HSD17B14: variants seen among roughly 807,000 people sequenced by gnomAD.
The protein encoded by HSD17B14 is hydroxysteroid 17-beta dehydrogenase 14, also known as L-fucose dehydrogenase.
A neutral mutation model predicts 32.2 loss-of-function variants in HSD17B14; 32 were observed. The ratio of observed to expected loss-of-function variants is 0.99; its 90% confidence interval spans 0.75 to 1.33. The LOEUF is 1.33. HSD17B14 is among the 40% of genes most tolerant of loss of function. The pLI is 0.00. For synonymous variants in HSD17B14, 140 were observed against 155.4 expected (o/e 0.90, Z 0.74); for missense variants, 370 against 366.5 (o/e 1.01, Z -0.08).
At chr19:48,813,573 G>A (rs1456209171) in intron 7 of HSD17B14, 21 bp from the exon 8 acceptor site, 7 of 1,613,020 alleles carry the variant, frequency 4.3e-6, no homozygotes, top group African/African-American at 1.3e-5. Flanking sequence ...GGAGAGGGGG[G>A]ATCAAAGCAA....
chr19:48,818,572 C>G (rs1225098501), intron 5 of HSD17B14, among the ~76,000 whole-genome samples: 1 of 152,008 alleles, frequency 6.6e-6, no homozygotes, highest in Non-Finnish European at 1.5e-5. Context: ...CTCACCAGGG[C>G]TGAGACACGG....
Position 48,835,830 on chromosome 19 carries a change from G to A in HSD17B14, c.102C>T (p.Ala34=), listed in dbSNP as rs776200819. ...GIVRAFVNSG[A]RVVICDKDES... The stretch of plus-strand genomic sequence containing the variant: ...CATCCTTGTCGCAGATAACCACTCG[G>A]GCCCCGCTGTTCACTGAGAATAGGA... Residue 34 remains alanine (A), a synonymous_variant, in exon 2 of 9, where the codon GCC becomes GCT. Transcript: ENST00000263278. The A allele has an allele frequency of 6.2e-7, 1 of 1,613,638 alleles. No individual in the cohort carries two copies. Among genetic ancestry groups the A allele is most frequent in the South Asian group, 1.1e-5 (1 of 91,078 alleles).
chr19:48,825,908 C>T (rs976721941), intron 5 of HSD17B14, among the ~76,000 whole-genome samples: 9 of 151,860 alleles, frequency 5.9e-5, no homozygotes, highest in African/African-American at 1.5e-4. Flanking sequence ...GCAAGCTCCG[C>T]CTCCTGGGTT....
intron 5 of HSD17B14, among the ~76,000 whole-genome samples, chr19:48,820,330 C>T (rs972270020): frequency 2.6e-5 from 4 of 151,580 alleles, no homozygotes; most frequent in African/African-American, 7.3e-5. Flanking sequence ...ATTAGCCAGG[C>T]GTGGTGGCAC....
chr19:48,822,858 GTGGTGATGGTGAAAA>G (rs1309810393), intron 5 of HSD17B14, among the ~76,000 whole-genome samples: 3 of 151,894 alleles, frequency 2.0e-5, no homozygotes, highest in Non-Finnish European at 4.4e-5. Flanking sequence ...GATGGTGATG[GTGGTGATGGTGAAAA>G]TGGTGATGGT....
At chr19:48,815,537 T>C (rs1342396957) in intron 5 of HSD17B14, among the ~76,000 whole-genome samples, 2 of 152,048 alleles carry the variant, frequency 1.3e-5, no homozygotes, top group African/African-American at 4.8e-5. Context: ...TATTTTCCGG[T>C]GAAGTCTCTG....
In HSD17B14 at chr19:48,825,134, AG is replaced by A. The variant is rs765118597; in HGVS notation, c.369+6533del. Among the ~76,000 whole-genome samples the A allele has an allele frequency of 5.4e-5, 8 of 147,232 alleles. No individual in the cohort carries two copies. In the South Asian group the frequency reaches 1.8e-3, roughly 33 times the overall value. On this transcript the variant is annotated intron_variant, in intron 5 of 8. Transcript: ENST00000263278. ...GTGCCTGTAGTCCCAGCTATTTGGG[AG>A]GGTGAGGCAGGAGAATCACTTGAAC...
At chr19:48,815,249 C>A (rs2035032483) in intron 5 of HSD17B14, 108 bp from the exon 6 acceptor site, 9 of 792,730 alleles carry the variant, frequency 1.1e-5, no homozygotes, top group Middle Eastern at 2.2e-4. Context: ...ACCTCCCTGG[C>A]ATGTTTCTAG....
Position 48,813,246 on chromosome 19 carries a change from C to A in HSD17B14, c.742G>T (p.Gly248Cys), listed in dbSNP as rs199594671. ...CTGIELLVTG[G>C]AELGYGCKAS... ...TTGCACCCGTACCCCAGCTCTGCAC[C>A]CCCCGTCACGAGCAGTTCAATGCCC... Residue 248 changes from glycine (G) to cysteine (C), a missense_variant, in exon 9 of 9, where the codon GGT becomes TGT. Gly to Cys is a radical substitution (Grantham distance 159). Transcript: ENST00000263278. 1.2e-6 allele frequency: 2 copies of A among 1,609,492 alleles called. No individual in the cohort carries two copies. The highest frequency in any genetic ancestry group is 2.7e-5 in the African/African-American group (2 of 74,972).
intron 5 of HSD17B14, among the ~76,000 whole-genome samples, chr19:48,827,810 T>A (rs978484744): frequency 2.0e-4 from 30 of 151,726 alleles, no homozygotes; most frequent in African/African-American, 7.3e-4. Context: ...AGTGCTGGGA[T>A]TACAGGTGTG....
Position 48,835,740 on chromosome 19 carries a change from G to A in HSD17B14, c.127+65C>T, listed in dbSNP as rs1048240163. ...CCGGGGTCTGAGGGAGGAGGTGCTAGGGGTCTGGACCTCTGGGTCTGAGGG... is the reference window on the plus strand; with the variant it reads ...CCGGGGTCTGAGGGAGGAGGTGCTAAGGGTCTGGACCTCTGGGTCTGAGGG... On this transcript the variant is annotated intron_variant, in intron 2 of 8. Transcript: ENST00000263278. 3.9e-4 allele frequency: 602 copies of A among 1,537,570 alleles called. 1 individual carries two copies. The highest frequency in any genetic ancestry group is 5.3e-4 in the Non-Finnish European group (585 of 1,111,940).
At chr19:48,815,479 G>T (rs1057436253) in intron 5 of HSD17B14, among the ~76,000 whole-genome samples, 5 of 152,068 alleles carry the variant, frequency 3.3e-5, no homozygotes, top group Non-Finnish European at 5.9e-5. Context: ...ACAGGAAAAT[G>T]GATGAGAGAT....
In HSD17B14 at chr19:48,816,022, GAAAAAA is replaced by G. The variant is rs71179053; in HGVS notation, c.370-887_370-882del. ...GGCAACAGAGCAAGACTCCGTTTCA[GAAAAAA>G]AAAAAAAAAAAAAAAGAAATGCACT... is the stretch of plus-strand genomic sequence containing the variant. On this transcript the variant is annotated intron_variant, in intron 5 of 8. Transcript: ENST00000263278. 8.1e-5 allele frequency among the ~76,000 whole-genome samples: 6 copies of G among 74,310 alleles called. 1 individual carries two copies. The South Asian group carries it at 1.5e-3, about 18-fold the overall frequency. 48.8% of individuals were successfully genotyped at this position (74,310 alleles called of 152,430 possible).
At chr19:48,822,042 GATT>G (rs2035160477) in intron 5 of HSD17B14, among the ~76,000 whole-genome samples, 1 of 151,948 alleles carries the variant, frequency 6.6e-6, no homozygotes. Flanking sequence ...TGATGGTGAT[GATT>G]GTGGTGATGA....
rs373144331 is a variant in HSD17B14 at position 48,835,853 on chromosome 19, G to T, written c.89-10C>A. ...CGGGCCCCGCTGTTCACTGAGAATAGGAAGGGAACAGGTTACTCTCCGAGC... is the reference window on the plus strand; with the variant it reads ...CGGGCCCCGCTGTTCACTGAGAATATGAAGGGAACAGGTTACTCTCCGAGC... On this transcript the variant is annotated splice_polypyrimidine_tract_variant and intron_variant, in intron 1 of 8. Transcript: ENST00000263278. The T allele has an allele frequency of 4.6e-5, 75 of 1,613,052 alleles. No individual in the cohort carries two copies. The highest frequency in any genetic ancestry group is 5.9e-5 in the Non-Finnish European group (70 of 1,179,392).
intron 2 of HSD17B14, 77 bp from the exon 3 acceptor site, chr19:48,834,435 CTGAGGGAGGAGGTG>C (rs2035418058): frequency 1.1e-5 from 10 of 877,080 alleles, no homozygotes; most frequent in Admixed American, 4.8e-5. Flanking sequence ...ACTCCTGGGT[CTGAGGGAGGAGGTG>C]CTGGGGGCCT....
rs1164756574 is a variant in HSD17B14, at chr19:48,834,925, A to G, written c.128-567T>C. On this transcript the variant is annotated intron_variant, in intron 2 of 8. Coordinates refer to ENST00000263278, the MANE Select transcript of HSD17B14 (RefSeq NM_016246.3). ...CTGGACTCCTGGGTCTGAGGGAGGA[A>G]GGGCTGGGAGCCTGGACTCCTGGGT... Among the ~76,000 whole-genome samples the G allele has an allele frequency of 1.9e-3, 83 of 44,796 alleles. 2 individuals are homozygous for G. The highest frequency in any genetic ancestry group is 1.7e-3 in the African/African-American group (14 of 8,280). 29.4% of individuals were successfully genotyped at this position (44,796 alleles called of 152,430 possible). A position where few individuals can be genotyped will look rare whatever the true frequency, so the allele number is the denominator to read the frequency against.
Position 48,815,125 on chromosome 19 carries a change from A to C in HSD17B14, c.386T>G (p.Leu129Arg), listed in dbSNP as rs555552942. The C allele has an allele frequency of 6.2e-7, 1 of 1,613,808 alleles. No homozygotes were observed. The highest frequency in any genetic ancestry group is 1.1e-5 in the South Asian group (1 of 91,078). ...YTLTKLALPYLRKSQGNVINI... is the reference protein window; with the variant it reads ...YTLTKLALPYRRKSQGNVINI... Reference sequence around the variant, plus strand: ...GATGACATTCCCTTGACTCTTCCGCAGGTAGGGGAGGGCGAGCTAGGGAGA... The same window carrying C: ...GATGACATTCCCTTGACTCTTCCGCCGGTAGGGGAGGGCGAGCTAGGGAGA... Residue 129 changes from leucine to arginine, a missense_variant, in exon 6 of 9, where the codon CTG becomes CGG. By Grantham distance (102) the Leu-to-Arg change is moderately radical. Transcript: ENST00000263278.
chr19:48,813,781 C>T (rs375145835), intron 6 of HSD17B14, 51 bp from the exon 7 acceptor site: 82 of 1,599,416 alleles, frequency 5.1e-5, no homozygotes, highest in Admixed American at 8.3e-5. Context: ...ACATGGGGTC[C>T]CTGCCATCCA....
Sources: allele counts gnomAD v4.1 joint callset (sites outside exome capture counted in the v4.1 genomes callset), GRCh38; gene constraint gnomAD v4.1.1; transcripts MANE v1.5; gene names NCBI Gene and HGNC (gene_info 2026-07-23, HGNC 2026-07-21).